ZFHX2: variants seen among roughly 807,000 people sequenced by gnomAD.
The protein encoded by ZFHX2 is zinc finger homeobox 2.
Under a neutral mutation model 164.8 loss-of-function variants are expected in ZFHX2, and 75 were observed. The observed-to-expected ratio is 0.46, with a 90% CI of 0.38 to 0.55. ZFHX2 has a LOEUF of 0.55. Among genes scored for constraint, ZFHX2 ranks in the 20% least tolerant of loss-of-function variants. The pLI is 0.00. For missense variants in ZFHX2, 2,933 were observed against 3,308.0 expected, an observed-to-expected ratio of 0.89 and a Z score of 2.78; for synonymous variants, 1,217 against 1,351.4, an observed-to-expected ratio of 0.90 and a Z score of 2.18.
Position 23,526,140 on chromosome 14 carries a change from G to T in ZFHX2, c.3802C>A (p.Arg1268=). 4 of 1,536,480 alleles carry T rather than the reference G, an allele frequency of 2.6e-6. No individual in the cohort carries two copies. Among genetic ancestry groups the T allele is most frequent in the Non-Finnish European group, 3.5e-6 (4 of 1,146,942 alleles). ...NQSSTLEIHM[R]SVLHQTRSRG... ...GAGCGAGTCTGATGCAGAACTGACC[G>T]CATGTGGATCTCCAGGGTGGAGCTC... is the stretch of plus-strand genomic sequence containing the variant. The change falls in exon 9 of 10, where the codon CGG becomes AGG. Residue 1268 remains arginine, a synonymous_variant. Transcript: ENST00000419474.
In ZFHX2 at chr14:23,526,373, G is replaced by T. The variant is rs1447547480; in HGVS notation, c.3569C>A (p.Pro1190His). ...CTCCTTACACACAGTGCACTTATAGGGCCGGGCAGGGTCGAGAAACTTGTC... is the reference window on the plus strand; with the variant it reads ...CTCCTTACACACAGTGCACTTATAGTGCCGGGCAGGGTCGAGAAACTTGTC... ...ALDKFLDPAR[P>H]YKCTVCKESF... The change falls in exon 9 of 10, where the codon CCC becomes CAC. Residue 1190 changes from proline (P) to histidine (H), a missense_variant. By Grantham distance (77) the Pro-to-His change is moderately conservative. Transcript: ENST00000419474. 1 of 1,536,324 alleles carries T rather than the reference G, an allele frequency of 6.5e-7. No homozygotes were observed. Among genetic ancestry groups the T allele is most frequent in the Admixed American group, 2.0e-5 (1 of 50,996 alleles).
rs1231042400 is a variant in ZFHX2 at position 23,524,942 on chromosome 14, C to G, written c.5000G>C (p.Gly1667Ala). ...GGSMPTGGGT[G>A]GASGCRRCHA... ...GCAACGCCTGCAGCCGGAGGCTCCC[C>G]CAGTGCCTCCTCCGGTTGGCATGGA... Residue 1667 changes from glycine (G) to alanine (A), a missense_variant, in exon 9 of 10, where the codon GGG (glycine) becomes GCG (alanine). By Grantham distance (60) the Gly-to-Ala change is moderately conservative. Transcript: ENST00000419474. The surrounding 1 kb of genome is among the most constrained non-coding windows in gnomAD (Gnocchi z 5.6). The G allele has an allele frequency of 2.0e-6, 3 of 1,536,166 alleles. No homozygotes were observed. The highest frequency in any genetic ancestry group is 1.7e-4 in the Middle Eastern group (1 of 6,012).
Position 23,534,467 on chromosome 14 carries a change from C to T in ZFHX2, c.859G>A (p.Ala287Thr), listed in dbSNP as rs563839935. The T allele has an allele frequency of 1.3e-6, 2 of 1,536,302 alleles. No homozygotes were observed. Among genetic ancestry groups the T allele is most frequent in the Non-Finnish European group, 8.7e-7 (1 of 1,146,956 alleles). The change falls in exon 2 of 10, where the codon GCC becomes ACC. Residue 287 changes from alanine to threonine, a missense_variant. Coordinates refer to ENST00000419474, the MANE Select transcript of ZFHX2 (RefSeq NM_033400.3). The surrounding 1 kb of genome is among the most constrained non-coding windows in gnomAD (Gnocchi z 4.5). ...TTTGGCTCCAGAAAGCTTATGAGGG[C>T]CTTGCAGCCTTCATCTCCCTCCTGG... ...VLQEGDEGCK[A>T]LISFLEPKLP...
At chr14:23,545,174 G>T (rs565191312) in intron 1 of ZFHX2, among the ~76,000 whole-genome samples, 15 of 152,176 alleles carry the variant, frequency 9.9e-5, no homozygotes, top group African/African-American at 3.6e-4. Context: ...ATCTCAAGGG[G>T]AAACCAGCAA....
At chr14:23,548,277 C>G (rs1266543125) in intron 1 of ZFHX2, 1 of 152,264 alleles carries the variant, frequency 6.6e-6, no homozygotes, top group Admixed American at 6.5e-5. Context: ...CTGTCAGGCT[C>G]TAGCAAACCT....
In ZFHX2 at chr14:23,533,098, A is replaced by G. The variant is rs957463479; in HGVS notation, c.2042-14T>C. ...GGCTTCCAGGGGCTAGAGGACAGAG[A>G]CAGATTAGTGGCCCAAGAAAGAAAT... On this transcript the variant is annotated splice_polypyrimidine_tract_variant and intron_variant, in intron 2 of 9. Coordinates refer to ENST00000419474, the MANE Select transcript of ZFHX2 (RefSeq NM_033400.3). The surrounding 1 kb of genome is among the most constrained non-coding windows in gnomAD (Gnocchi z 4.8). The G allele has an allele frequency of 7.3e-6, 11 of 1,502,834 alleles. No homozygotes were observed. Among genetic ancestry groups the G allele is most frequent in the Non-Finnish European group, 9.7e-6 (11 of 1,128,544 alleles). The allele number at this position is 1,502,834 out of a possible 1,614,324, so 93.1% of individuals were successfully genotyped here.
Position 23,525,818 on chromosome 14 carries a change from C to T in ZFHX2, c.4124G>A (p.Gly1375Glu), listed in dbSNP as rs570226619. 9.6e-6 allele frequency: 14 copies of T among 1,462,410 alleles called. No homozygotes were observed. The African/African-American group carries it at 2.0e-4, about 21-fold the overall frequency. 90.6% of individuals were successfully genotyped at this position (1,462,410 alleles called of 1,614,324 possible). A position where few individuals can be genotyped will look rare whatever the true frequency, so the allele number is the denominator to read the frequency against. ...AGGCCCAGCTAGTGTCAGCTTGGGC[C>T]CCACCTTGAGATCGTGGAGGTAGAA... is the stretch of plus-strand genomic sequence containing the variant. ...LPFYLHDLKV[G>E]PKLTLAGPAP... The change falls in exon 9 of 10, where the codon GGG becomes GAG. Residue 1375 changes from glycine to glutamate, a missense_variant. Gly to Glu is a moderately conservative substitution (Grantham distance 98). Transcript: ENST00000419474. This position sits in a 1 kb window ranked among gnomAD's most constrained non-coding sequence, Gnocchi z 5.9.
rs1364819192 is a variant in ZFHX2, at chr14:23,524,772, C to T, written c.5170G>A (p.Gly1724Ser). The T allele has an allele frequency of 1.3e-6, 2 of 1,536,524 alleles. No homozygotes were observed. Among genetic ancestry groups the T allele is most frequent in the Non-Finnish European group, 1.7e-6 (2 of 1,146,978 alleles). ...VEEEEVEEEQGLEPPAGPEGP... is the reference protein window; with the variant it reads ...VEEEEVEEEQSLEPPAGPEGP... ...TCAGGCCCTGCTGGAGGTTCAAGGCCCTGTTCCTCCTCTACTTCTTCTTCT... is the reference window on the plus strand; with the variant it reads ...TCAGGCCCTGCTGGAGGTTCAAGGCTCTGTTCCTCCTCTACTTCTTCTTCT... Residue 1724 changes from glycine (G) to serine (S), a missense_variant, in exon 9 of 10, where the codon GGC becomes AGC. By Grantham distance (56) the Gly-to-Ser change is moderately conservative. Transcript: ENST00000419474. The surrounding 1 kb of genome is among the most constrained non-coding windows in gnomAD (Gnocchi z 5.6).
chr14:23,531,614 C>G lies in ZFHX2; in HGVS notation c.2667G>C (p.Leu889=). The stretch of plus-strand genomic sequence containing the variant: ...GGGCATCGCGGTGGGCAGGTGTGCG[C>G]AGGTGTTGCAGCACAGCCAAGCGGG... ...TPSRLAVLQH[L]RTPAHRDAQA... is the part of the protein sequence containing the mutation. Residue 889 remains leucine, a synonymous_variant, in exon 4 of 10, where the codon CTG becomes CTC. Coordinates refer to ENST00000419474, the MANE Select transcript of ZFHX2 (RefSeq NM_033400.3). 6.6e-7 allele frequency: 1 copy of G among 1,525,162 alleles called. No individual in the cohort carries two copies. The highest frequency in any genetic ancestry group is 8.8e-7 in the Non-Finnish European group (1 of 1,140,058). The allele number at this position is 1,525,162 out of a possible 1,614,324, so 94.5% of individuals were successfully genotyped here.
In ZFHX2 at chr14:23,522,275, TG is replaced by T; in HGVS notation, c.7405del (p.His2469ThrfsTer36). 6.7e-7 allele frequency: 1 copy of T among 1,496,760 alleles called. No individual in the cohort carries two copies. The highest frequency in any genetic ancestry group is 8.9e-7 in the Non-Finnish European group (1 of 1,124,996). 92.7% of individuals were successfully genotyped at this position (1,496,760 alleles called of 1,614,324 possible). ...CCCAAAGAAGCAGAAGGATCTCTGGTGGGCAGTAGCCGGGGCCTCCCCGTCA... is the reference window on the plus strand; with the variant it reads ...CCCAAAGAAGCAGAAGGATCTCTGGTGGCAGTAGCCGGGGCCTCCCCGTCA... ...AFDGEAPATA[H>X]QRSFCFFGRG... On this transcript the variant is annotated frameshift_variant, in exon 10 of 10. Coordinates refer to ENST00000419474, the MANE Select transcript of ZFHX2 (RefSeq NM_033400.3). LOFTEE classifies it high-confidence loss of function.
At position 23,525,136 on chromosome 14, in the gene ZFHX2, G is replaced by A; in HGVS notation, c.4806C>T (p.Phe1602=). The change falls in exon 9 of 10, where the codon TTC becomes TTT. Residue 1602 remains phenylalanine, a synonymous_variant. Transcript: ENST00000419474. The surrounding 1 kb of genome is among the most constrained non-coding windows in gnomAD (Gnocchi z 5.9). ...GCAGGGCTTGGGTCTGGAACTCTGT[G>A]AACTTGGTTCTGGAGAACCGGCGGC... is the stretch of plus-strand genomic sequence containing the variant. ...PAGRRFSRTK[F]TEFQTQALQS... 6.5e-7 allele frequency: 1 copy of A among 1,536,170 alleles called. No individual in the cohort carries two copies. The highest frequency in any genetic ancestry group is 8.7e-7 in the Non-Finnish European group (1 of 1,146,922).
chr14:23,540,289 C>A (rs1880655828), intron 1 of ZFHX2, among the ~76,000 whole-genome samples: 3 of 152,240 alleles, frequency 2.0e-5, no homozygotes, highest in Non-Finnish European at 4.4e-5. Context: ...CCAAGCCCAA[C>A]CTTCCTAACA....
Position 23,525,345 on chromosome 14 carries a change from G to A in ZFHX2, c.4597C>T (p.Pro1533Ser). The stretch of plus-strand genomic sequence containing the variant: ...AGAGACCCATCAGGAGGTTTGGGAG[G>A]CTCTGCAAGGGGCGGGTATAGGCTG... ...YDSLYPPLAE[P>S]PKPPDGSLDS... The change falls in exon 9 of 10, where the codon CCT becomes TCT. Residue 1533 changes from proline to serine, a missense_variant. Pro to Ser is a moderately conservative substitution (Grantham distance 74, BLOSUM62 -1). Transcript: ENST00000419474. This position sits in a 1 kb window ranked among gnomAD's most constrained non-coding sequence, Gnocchi z 5.9. The A allele has an allele frequency of 6.5e-7, 1 of 1,536,168 alleles. No individual in the cohort carries two copies. The highest frequency in any genetic ancestry group is 8.7e-7 in the Non-Finnish European group (1 of 1,146,918).
rs752964116 is a variant in ZFHX2, at chr14:23,532,742, C to A, written c.2384G>T (p.Gly795Val). Residue 795 changes from glycine to valine, a missense_variant, in exon 3 of 10, where the codon GGG becomes GTG. Transcript: ENST00000419474. The stretch of plus-strand genomic sequence containing the variant: ...GGAAGGGGTGCCCATGGCTCCACCC[C>A]CCTCCCGCAGGTGGGCTGCCAGCTG... ...KYQLAAHLRE[G>V]GGAMGTPSPA... 6 of 1,536,086 alleles carry A rather than the reference C, an allele frequency of 3.9e-6. No homozygotes were observed. Among genetic ancestry groups the A allele is most frequent in the African/African-American group, 2.7e-5 (2 of 73,188 alleles).
chr14:23,540,016 C>G (rs1376910476), intron 1 of ZFHX2, among the ~76,000 whole-genome samples: 1 of 152,188 alleles, frequency 6.6e-6, no homozygotes, highest in East Asian at 1.9e-4. Context: ...GAGACAGGGT[C>G]TCGCTCGGTC....
chr14:23,531,851 C>T, intron 3 of ZFHX2, 130 bp from the exon 4 acceptor site: 2 of 1,174,660 alleles, frequency 1.7e-6, no homozygotes, highest in Non-Finnish European at 2.1e-6. Flanking sequence ...GATCTCTACT[C>T]ACTGAAGCCT....
At chr14:23,548,872 C>G (rs77314754) in intron 1 of ZFHX2, among the ~76,000 whole-genome samples, 1 of 152,206 alleles carries the variant, frequency 6.6e-6, no homozygotes, top group Non-Finnish European at 1.5e-5. Flanking sequence ...CTCTCGCTCT[C>G]TTCGCATCAG....
In ZFHX2 at chr14:23,531,717, A is replaced by G; in HGVS notation, c.2564T>C (p.Leu855Pro). 7.4e-7 allele frequency: 1 copy of G among 1,356,296 alleles called. No homozygotes were observed. Among genetic ancestry groups the G allele is most frequent in the South Asian group, 1.9e-5 (1 of 53,950 alleles). The allele number at this position is 1,356,296 out of a possible 1,614,324, so 84.0% of individuals were successfully genotyped here. Reference protein sequence around the residue: ...HEENSQIYKFLLDMEGAEAGA... With the variant: ...HEENSQIYKFPLDMEGAEAGA... The stretch of plus-strand genomic sequence containing the variant: ...TGCCTCCGCTCCCTCCATGTCCAGC[A>G]GAAACTAGAACCATGGGAAGAGGCT... The change falls in exon 4 of 10, where the codon CTG becomes CCG. Residue 855 changes from leucine to proline, a missense_variant. Transcript: ENST00000419474.
Position 23,534,434 on chromosome 14 carries a change from C to T in ZFHX2, c.892G>A (p.Ala298Thr). ...LISFLEPKLPARPSSDIPLDN... is the reference protein window; with the variant it reads ...LISFLEPKLPTRPSSDIPLDN... ...AGGGGTATGTCAGAAGAGGGGCGAG[C>T]AGGGAGTTTTGGCTCCAGAAAGCTT... is the stretch of plus-strand genomic sequence containing the variant. Residue 298 changes from alanine (A) to threonine (T), a missense_variant, in exon 2 of 10, where the codon GCT becomes ACT. Coordinates refer to ENST00000419474, the MANE Select transcript of ZFHX2 (RefSeq NM_033400.3). This position sits in a 1 kb window ranked among gnomAD's most constrained non-coding sequence, Gnocchi z 4.5. 5 of 1,536,662 alleles carry T rather than the reference C, an allele frequency of 3.3e-6. 1 individual carries two copies. In the South Asian group the frequency reaches 3.6e-5, roughly 11 times the overall value.
Sources: gnomAD v4.1 joint callset for allele counts (sites outside exome capture counted in the v4.1 genomes callset) on GRCh38, gnomAD v4.1.1 for gene constraint, Gnocchi (gnomAD v3.1) non-coding constraint, MANE v1.5 for transcripts, NCBI Gene and HGNC (gene_info 2026-07-23, HGNC 2026-07-21) for gene names.